The following PDE4D variants were observed in gnomAD, a reference collection of about 807,000 sequenced individuals.
PDE4D encodes the protein phosphodiesterase 4D, also known as 3',5'-cyclic-AMP phosphodiesterase 4D.
PDE4D carries 24 observed loss-of-function variants against 87.4 expected under a neutral mutation model. The ratio of observed to expected loss-of-function variants is 0.27; its 90% CI spans 0.20 to 0.39. The LOEUF is 0.39. Ranked by LOEUF, PDE4D falls within the 10% of genes least tolerant of loss-of-function variation. The pLI is 1.00. For missense variants in PDE4D, 714 were observed against 1,041.0 expected, an observed-to-expected ratio of 0.69 and a Z score of 4.32; for synonymous variants, 384 against 383.2, an observed-to-expected ratio of 1.00 and a Z score of -0.02.
chr5:59,176,350 C>G (rs1320574593), intron 5 of PDE4D, among the ~76,000 whole-genome samples: 1 of 152,038 alleles, frequency 6.6e-6, no homozygotes, highest in African/African-American at 2.4e-5. Flanking sequence ...GTCAGGAGTT[C>G]AAGACCATCC....
intron 1 of PDE4D, among the ~76,000 whole-genome samples, chr5:60,407,444 CTTTTTTT>C (rs70975385): frequency 4.6e-4 from 37 of 80,090 alleles, no homozygotes; most frequent in African/African-American, 1.2e-3. Context: ...TTTCTTTTTC[CTTTTTTT>C]TTTTTTTTTT....
chr5:59,856,684 T>C (rs1745489890), intron 1 of PDE4D, among the ~76,000 whole-genome samples: 1 of 152,182 alleles, frequency 6.6e-6, no homozygotes, highest in African/African-American at 2.4e-5. Flanking sequence ...GGCTGAACTT[T>C]CAACTGAAGT....
chr5:59,494,801 G>C (rs1338258243), intron 1 of PDE4D, among the ~76,000 whole-genome samples: 1 of 152,026 alleles, frequency 6.6e-6, no homozygotes, highest in Non-Finnish European at 1.5e-5. Context: ...CCGTAAACAT[G>C]CCCCTCAAAA....
chr5:60,412,168 C>T (rs933283485), intron 1 of PDE4D, among the ~76,000 whole-genome samples: 5 of 152,048 alleles, frequency 3.3e-5, no homozygotes, highest in South Asian at 2.1e-4. Context: ...TACAATTATA[C>T]GTGTCTTCAA....
At chr5:59,956,277 C>T (rs1405485722) in intron 3 of PDE4D, among the ~76,000 whole-genome samples, 1 of 152,116 alleles carries the variant, frequency 6.6e-6, no homozygotes, top group African/African-American at 2.4e-5. Flanking sequence ...CAGGACAGCC[C>T]CTGAACACAG....
chr5:58,996,981 T>A (rs1442907558), intron 6 of PDE4D, among the ~76,000 whole-genome samples: 3 of 152,130 alleles, frequency 2.0e-5, no homozygotes, highest in African/African-American at 7.2e-5. Context: ...AAATCCTCCA[T>A]CACATGCCCA....
chr5:59,991,512 A>G (rs1057371281), intron 2 of PDE4D, among the ~76,000 whole-genome samples: 1 of 151,984 alleles, frequency 6.6e-6, no homozygotes, highest in Non-Finnish European at 1.5e-5. Flanking sequence ...TAATATACAA[A>G]TTTCTATAAT....
intron 1 of PDE4D, among the ~76,000 whole-genome samples, chr5:59,382,003 T>C (rs1785963746): frequency 6.6e-6 from 1 of 152,174 alleles, no homozygotes; most frequent in African/African-American, 2.4e-5. Context: ...CCTCATGACA[T>C]GCATTCATGG....
intron 1 of PDE4D, among the ~76,000 whole-genome samples, chr5:59,811,127 A>G (rs73111026): frequency 0.05 from 7,656 of 152,236 alleles, 664 homozygotes; most frequent in African/African-American, 0.18. Context: ...AGGCAAAGGG[A>G]ATTGACTGAC....
At position 59,809,735 on chromosome 5, in the gene PDE4D, C is replaced by T. The variant is rs73111021; in HGVS notation, c.455+83433G>A. ...TTGATGAAAACTGTACTTTATTTTC[C>T]CCCATTGAAGAAGGGACAAAATTCA... On this transcript the variant is annotated intron_variant, in intron 1 of 14. Coordinates refer to ENST00000340635, the MANE Select transcript of PDE4D (RefSeq NM_001104631.2). 4.9e-3 allele frequency among the ~76,000 whole-genome samples: 751 copies of T among 152,096 alleles called. 3 individuals carry two copies. The highest frequency in any genetic ancestry group is 0.017 in the African/African-American group (725 of 41,498).
chr5:60,226,106 T>C (rs1263416128), intron 1 of PDE4D, among the ~76,000 whole-genome samples: 1 of 152,144 alleles, frequency 6.6e-6, no homozygotes, highest in African/African-American at 2.4e-5. Flanking sequence ...CTGTCAACTT[T>C]GTTATTTGAA....
chr5:59,891,113 A>C (rs563533634), intron 1 of PDE4D, among the ~76,000 whole-genome samples: 60 of 152,370 alleles, frequency 3.9e-4, no homozygotes, highest in African/African-American at 1.3e-3. Context: ...TGGCAGCTAC[A>C]TATAAATATT....
At chr5:60,018,456 A>T (rs982338766) in intron 2 of PDE4D, among the ~76,000 whole-genome samples, 1 of 152,202 alleles carries the variant, frequency 6.6e-6, no homozygotes. Flanking sequence ...ACCAGCTAGC[A>T]TCATGATGAC....
At chr5:59,708,772 T>C (rs1229018038) in intron 1 of PDE4D, among the ~76,000 whole-genome samples, 2 of 152,188 alleles carry the variant, frequency 1.3e-5, no homozygotes, top group Non-Finnish European at 2.9e-5. Context: ...AATTTGAACA[T>C]AAATTATTAA....
rs544933111 is a variant in PDE4D, at chr5:60,065,784, G to A, written c.43-77067C>T. Reference sequence around the variant, plus strand: ...TGAACTCATCATGTTTTATGGCTGCGTAGTATTCCATGGTGTATATGTGCC... The same window carrying A: ...TGAACTCATCATGTTTTATGGCTGCATAGTATTCCATGGTGTATATGTGCC... On this transcript the variant is annotated intron_variant, in intron 2 of 16. Transcript: ENST00000502484. Among the ~76,000 whole-genome samples, 207 of 152,160 alleles carry A rather than the reference G, an allele frequency of 1.4e-3. 1 individual carries two copies. Among genetic ancestry groups the A allele is most frequent in the African/African-American group, 4.2e-3 (175 of 41,528 alleles).
intron 1 of PDE4D, among the ~76,000 whole-genome samples, chr5:59,668,698 T>G (rs1028528404): frequency 7.1e-6 from 1 of 140,970 alleles, no homozygotes; most frequent in African/African-American, 2.7e-5. Context: ...GAGTCCAGAG[T>G]GAGACCCTGC....
intron 2 of PDE4D, among the ~76,000 whole-genome samples, chr5:60,159,733 A>G (rs1405279956): frequency 6.6e-6 from 1 of 152,222 alleles, no homozygotes; most frequent in Non-Finnish European, 1.5e-5. Context: ...AATCATCACC[A>G]TATAATATTC....
rs73761043 is a variant in PDE4D, at chr5:59,902,227, C to T, written c.272+86261G>A. 5.2e-3 allele frequency among the ~76,000 whole-genome samples: 792 copies of T among 152,090 alleles called. 3 individuals are homozygous for T. Among genetic ancestry groups the T allele is most frequent in the African/African-American group, 0.018 (763 of 41,504 alleles). On this transcript the variant is annotated intron_variant, in intron 3 of 16. Transcript: ENST00000502484. The stretch of plus-strand genomic sequence containing the variant: ...AGAAACAAATAAGAAAACAAGCAAA[C>T]AAAACAACCCCTAGGAAGACAAAAT...
chr5:59,423,444 G>A (rs1042603138), intron 1 of PDE4D, among the ~76,000 whole-genome samples: 6 of 152,080 alleles, frequency 3.9e-5, no homozygotes, highest in South Asian at 2.1e-4. Context: ...AATTAATGCA[G>A]CATTCCATTG....
Sources: gnomAD v4.1 joint callset for allele counts (sites outside exome capture counted in the v4.1 genomes callset) on GRCh38, gnomAD v4.1.1 for gene constraint, MANE v1.5 for transcripts, NCBI Gene and HGNC (gene_info 2026-07-23, HGNC 2026-07-21) for gene names.